The following CEP63 variants were observed in gnomAD, a reference collection of about 807,000 sequenced individuals.
CEP63 encodes centrosomal protein 63.
CEP63 carries 84 observed loss-of-function variants against 89.1 expected under a neutral mutation model. The observed-to-expected ratio is 0.94, with a 90% confidence interval of 0.79 to 1.13. The LOEUF is 1.13. CEP63 is among the 50% of genes most tolerant of loss of function. The probability of loss-of-function intolerance (pLI) is 0.00; values close to 1 mark genes in which losing one functional copy is unlikely to be tolerated. For synonymous variants in CEP63, 267 were observed against 272.5 expected (o/e 0.98, Z 0.20); for missense variants, 838 against 813.3 (o/e 1.03, Z -0.37).
At chr3:134,764,930 T>C in the CEP63 span, among the ~76,000 whole-genome samples, 2 of 152,238 alleles carry the variant, frequency 1.3e-5, no homozygotes, top group South Asian at 4.1e-4. Flanking sequence ...CAGAGAGTCC[T>C]ATTACTTTCA....
chr3:134,580,816 A>G (rs1400517356), intron 10 of CEP63, among the ~76,000 whole-genome samples: 1 of 152,254 alleles, frequency 6.6e-6, no homozygotes, highest in Non-Finnish European at 1.5e-5. Flanking sequence ...CTATGCCCTA[A>G]TAATCCCTGC....
the CEP63 span, among the ~76,000 whole-genome samples, chr3:134,773,035 G>C: frequency 2.0e-5 from 3 of 152,202 alleles, no homozygotes; most frequent in Admixed American, 2.0e-4. Context: ...TTCTGTCACA[G>C]GCCCCCTGAT....
chr3:134,543,832 T>C (rs1952577332), intron 6 of CEP63, among the ~76,000 whole-genome samples: 1 of 96,422 alleles, frequency 1.0e-5, no homozygotes, highest in Non-Finnish European at 2.4e-5. Context: ...ACAGGAAACC[T>C]TTCCTCTTTG....
the CEP63 span, among the ~76,000 whole-genome samples, chr3:134,643,910 T>C: frequency 4.0e-5 from 6 of 150,868 alleles, no homozygotes; most frequent in Admixed American, 1.3e-4. Context: ...CACTGCAAGC[T>C]CCGCCTCCTG....
the CEP63 span, among the ~76,000 whole-genome samples, chr3:134,694,764 A>C: frequency 2.0e-5 from 3 of 152,208 alleles, no homozygotes; most frequent in Admixed American, 2.0e-4. Context: ...CTGAGGCTCC[A>C]CAGGGTTCTG....
the CEP63 span, chr3:134,619,144 G>A: frequency 9.1e-5 from 147 of 1,611,154 alleles, 1 homozygote; most frequent in South Asian, 2.2e-4. Context: ...CCTGTCTCTC[G>A]TACCTGCACA....
chr3:134,571,424 G>A (rs918768288), intron 11 of CEP63, among the ~76,000 whole-genome samples: 9 of 152,238 alleles, frequency 5.9e-5, no homozygotes, highest in Admixed American at 1.3e-4. Context: ...GCTCACGCCT[G>A]TAATCCCAGC....
chr3:134,724,392 G>C, the CEP63 span, among the ~76,000 whole-genome samples: 2 of 152,182 alleles, frequency 1.3e-5, no homozygotes, highest in African/African-American at 4.8e-5. Flanking sequence ...ATATATTTCT[G>C]TGGTTTGCAT....
downstream of CEP63, among the ~76,000 whole-genome samples, chr3:134,592,469 GGTGTGTGTGT>G (rs34973626): frequency 3.8e-4 from 47 of 125,198 alleles, no homozygotes; most frequent in Middle Eastern, 8.1e-3. Flanking sequence ...TCTGCAAACT[GGTGTGTGTGT>G]GTGTGTGTGT....
At chr3:134,520,720 C>G (rs1947257006) in intron 3 of CEP63, among the ~76,000 whole-genome samples, 1 of 152,098 alleles carries the variant, frequency 6.6e-6, no homozygotes, top group Non-Finnish European at 1.5e-5. Context: ...AGTCCCGTAA[C>G]AGAGATCCCA....
intron 12 of CEP63, among the ~76,000 whole-genome samples, chr3:134,553,828 T>G (rs941920554): frequency 3.2e-4 from 48 of 152,290 alleles, no homozygotes; most frequent in African/African-American, 1.1e-3. Flanking sequence ...TTCAGAATGG[T>G]CTTATCTTTT....
In CEP63 at chr3:134,550,197, A is replaced by C. The variant is rs761446710; in HGVS notation, c.1317A>C (p.Ser439=). The change falls in exon 11 of 15, where the codon TCA becomes TCC. Residue 439 remains serine, a synonymous_variant. Transcript: ENST00000675561. ...ITIASTKGSS[S]DMEKRLRAEM... is the part of the protein sequence containing the mutation. ...TTGCTTCCACCAAAGGTTCTTCCTC[A>C]GACATGGAAAAGCGACTCAGAGCAG... 18 of 1,614,064 alleles carry C rather than the reference A, an allele frequency of 1.1e-5. No individual in the cohort carries two copies. The highest frequency in any genetic ancestry group is 1.4e-5 in the Non-Finnish European group (17 of 1,180,016).
chr3:134,739,681 A>G, the CEP63 span, among the ~76,000 whole-genome samples: 1 of 151,822 alleles, frequency 6.6e-6, no homozygotes, highest in South Asian at 2.1e-4. Flanking sequence ...CACGAACTTT[A>G]AAAACATGCA....
chr3:134,611,363 A>T, the CEP63 span, among the ~76,000 whole-genome samples: 15 of 152,190 alleles, frequency 9.9e-5, no homozygotes, highest in Admixed American at 3.3e-4. Flanking sequence ...CCAAGGCCAA[A>T]GCAAGACCCC....
At chr3:134,744,893 T>C in the CEP63 span, among the ~76,000 whole-genome samples, 3 of 152,210 alleles carry the variant, frequency 2.0e-5, no homozygotes, top group Admixed American at 6.5e-5. Context: ...GGCAGAAATA[T>C]CAACACCCTC....
chr3:134,608,141 G>C, the CEP63 span: 1 of 1,135,306 alleles, frequency 8.8e-7, no homozygotes, highest in Non-Finnish European at 1.1e-6. Flanking sequence ...CCAACACCCA[G>C]ATTCCAGCTC....
At chr3:134,709,998 A>G in the CEP63 span, among the ~76,000 whole-genome samples, 1 of 152,136 alleles carries the variant, frequency 6.6e-6, no homozygotes, top group African/African-American at 2.4e-5. Context: ...CCCACCCTTC[A>G]CTGCATTGGC....
At chr3:134,628,100 T>A in the CEP63 span, 1 of 451,804 alleles carries the variant, frequency 2.2e-6, no homozygotes. Flanking sequence ...ACACTTTGGG[T>A]GATTCATTGG....
chr3:134,567,477 A>AC (rs1957826990), downstream of CEP63, among the ~76,000 whole-genome samples: 1 of 151,700 alleles, frequency 6.6e-6, no homozygotes, highest in Admixed American at 6.6e-5. Flanking sequence ...CAAAAAAAAA[A>AC]AAAAAAGCCT....
Sources: gnomAD v4.1 joint callset for allele counts (sites outside exome capture counted in the v4.1 genomes callset) on GRCh38, gnomAD v4.1.1 for gene constraint, MANE v1.5 for transcripts, NCBI Gene and HGNC (gene_info 2026-07-23, HGNC 2026-07-21) for gene names.